Variants in COBL observed in about 807,000 individuals in gnomAD.
The protein encoded by COBL is cordon-bleu WH2 repeat protein.
A neutral mutation model predicts 98.8 loss-of-function variants in COBL; 51 were observed. The observed-to-expected ratio is 0.52, with a 90% CI of 0.41 to 0.65. The LOEUF (loss-of-function observed/expected upper bound fraction) is 0.65. COBL is among the 30% of genes least tolerant of loss of function. The pLI is 0.00. For missense variants in COBL, 1,617 were observed against 1,617.5 expected (o/e 1.00, Z 0.01); for synonymous variants, 634 against 651.7 (o/e 0.97, Z 0.41).
intron 5 of COBL, among the ~76,000 whole-genome samples, chr7:51,150,142 T>C (rs1785423053): frequency 6.6e-6 from 1 of 152,066 alleles, no homozygotes; most frequent in Admixed American, 6.5e-5. Context: ...GCCGAGCCCC[T>C]CTGAGCTACA....
chr7:51,042,531 T>C (rs1017641627), intron 8 of COBL, among the ~76,000 whole-genome samples: 2 of 151,718 alleles, frequency 1.3e-5, no homozygotes, highest in Non-Finnish European at 2.9e-5. Context: ...AGCTAATTTT[T>C]AAATTTTTTT....
At chr7:51,156,055 T>C (rs1296462662) in intron 5 of COBL, among the ~76,000 whole-genome samples, 2 of 152,212 alleles carry the variant, frequency 1.3e-5, no homozygotes, top group African/African-American at 4.8e-5. Flanking sequence ...TGCTTATAGT[T>C]TTTGCTATAA....
intron 7 of COBL, among the ~76,000 whole-genome samples, chr7:51,055,031 G>A (rs1439315422): frequency 6.6e-6 from 1 of 152,208 alleles, no homozygotes; most frequent in African/African-American, 2.4e-5. Context: ...GTGCCTTTTA[G>A]GAGCCAAGGG....
At chr7:51,260,080 G>C in intron 1 of COBL, 1 of 1,350,944 alleles carries the variant, frequency 7.4e-7, no homozygotes, top group South Asian at 1.2e-5. Flanking sequence ...TGCTTTGCCT[G>C]GGTGGCTTTG....
chr7:51,175,430 C>T lies in COBL; in HGVS notation c.783+8672G>A, dbSNP rs532793897. The stretch of plus-strand genomic sequence containing the variant: ...AAAACTCTTTAAATGCCTAAACTGC[C>T]TGCAGACCTTTCTCAGTCCCTTGGA... On this transcript the variant is annotated intron_variant, in intron 5 of 12. Coordinates refer to ENST00000265136, the MANE Select transcript of COBL (RefSeq NM_015198.5). Among the ~76,000 whole-genome samples, 7 of 152,314 alleles carry T rather than the reference C, an allele frequency of 4.6e-5. No individual in the cohort carries two copies. In the South Asian group the frequency reaches 1.5e-3, roughly 32 times the overall value.
intron 7 of COBL, among the ~76,000 whole-genome samples, chr7:51,055,669 TGCCGGCCG>T (rs538546243): frequency 6.6e-6 from 1 of 152,186 alleles, no homozygotes; most frequent in South Asian, 2.1e-4. Flanking sequence ...GTGTTGCTGC[TGCCGGCCG>T]GCCGGCCTGG....
Position 51,016,747 on chromosome 7 carries a change from G to A in COBL, c.*804C>T, listed in dbSNP as rs1199972518. On this transcript the variant is annotated 3_prime_UTR_variant, in exon 13 of 13. Coordinates refer to ENST00000265136, the MANE Select transcript of COBL (RefSeq NM_015198.5). ...TCATCAGGCTCCGTACACAGGCACC[G>A]TGGGGGAGGCCTATGTCACTTCATA... 1.5e-5 allele frequency: 6 copies of A among 391,878 alleles called. No homozygotes were observed. In the Middle Eastern group the frequency reaches 1.9e-3, roughly 123 times the overall value. The allele number at this position is 391,878 out of a possible 1,614,324, so 24.3% of individuals were successfully genotyped here. A position where few individuals can be genotyped will look rare whatever the true frequency, so the allele number is the denominator to read the frequency against.
At chr7:51,083,235 G>A (rs1333776141) in intron 7 of COBL, 1 of 1,446,898 alleles carries the variant, frequency 6.9e-7, no homozygotes, top group Non-Finnish European at 9.0e-7. Context: ...CCACCTATAT[G>A]GAATCAACAG....
intron 1 of COBL, among the ~76,000 whole-genome samples, chr7:51,225,922 G>A (rs1367933253): frequency 6.6e-6 from 1 of 152,210 alleles, no homozygotes; most frequent in Non-Finnish European, 1.5e-5. Context: ...GACAGCCACT[G>A]CCCAGCCAGG....
chr7:51,298,305 A>G (rs566337237), intron 1 of COBL, among the ~76,000 whole-genome samples: 1 of 152,364 alleles, frequency 6.6e-6, no homozygotes, highest in South Asian at 2.1e-4. Context: ...CCCACTGCTA[A>G]GCTGCTAAGA....
chr7:51,088,187 T>A (rs1373074050), intron 6 of COBL, among the ~76,000 whole-genome samples: 1 of 152,172 alleles, frequency 6.6e-6, no homozygotes, highest in Non-Finnish European at 1.5e-5. Context: ...AATCTGAATA[T>A]CCTTAATTCT....
chr7:51,229,923 C>T (rs979462431), intron 1 of COBL, among the ~76,000 whole-genome samples: 1 of 152,168 alleles, frequency 6.6e-6, no homozygotes, highest in Admixed American at 6.5e-5. Flanking sequence ...CCAGCAAGGG[C>T]ACAGTAGGTT....
At chr7:51,303,143 A>G (rs1802140356) in intron 1 of COBL, among the ~76,000 whole-genome samples, 1 of 152,260 alleles carries the variant, frequency 6.6e-6, no homozygotes, top group African/African-American at 2.4e-5. Flanking sequence ...ACAATAGATC[A>G]TACTTTCAGA....
chr7:51,043,239 G>A (rs898027908), intron 8 of COBL, 144 bp downstream of exon 8: 10 of 663,176 alleles, frequency 1.5e-5, no homozygotes, highest in Non-Finnish European at 2.1e-5. Flanking sequence ...ACATGCCTGA[G>A]AGCAGCTGCT....
intron 5 of COBL, chr7:51,172,399 C>T (rs1787957740): frequency 8.8e-7 from 1 of 1,138,966 alleles, no homozygotes; most frequent in Non-Finnish European, 1.2e-6. Context: ...GAAGGTCGCG[C>T]AAAGCAAGAA....
At chr7:51,123,198 C>T (rs1234394613) in intron 6 of COBL, among the ~76,000 whole-genome samples, 1 of 152,092 alleles carries the variant, frequency 6.6e-6, no homozygotes, top group Non-Finnish European at 1.5e-5. Context: ...GGCAGATATC[C>T]GTATCTGAGC....
rs533577424 is a variant in COBL at position 51,055,743 on chromosome 7, T to C, written c.1097-12051A>G. Among the ~76,000 whole-genome samples the C allele has an allele frequency of 1.1e-4, 17 of 152,316 alleles. No individual in the cohort carries two copies. In the South Asian group the frequency reaches 3.5e-3, roughly 32 times the overall value. ...CCCCCAGAGTTCCTGGCCAGCCGGC[T>C]TTCTCCCCTCACTGGGCTGCAGGTG... On this transcript the variant is annotated intron_variant, in intron 7 of 12. Coordinates refer to ENST00000265136, the MANE Select transcript of COBL (RefSeq NM_015198.5).
intron 1 of COBL, among the ~76,000 whole-genome samples, chr7:51,291,306 T>C: frequency 1.3e-5 from 2 of 152,182 alleles, no homozygotes. Context: ...CCAACCTCTG[T>C]GTCTTCCAAA....
At chr7:51,024,264 G>C (rs563400928) in intron 12 of COBL, among the ~76,000 whole-genome samples, 4 of 152,020 alleles carry the variant, frequency 2.6e-5, no homozygotes, top group Non-Finnish European at 5.9e-5. Context: ...AGCCGAGATC[G>C]CGTCACTGCA....
Sources: allele counts gnomAD v4.1 joint callset (sites outside exome capture counted in the v4.1 genomes callset), GRCh38; gene constraint gnomAD v4.1.1; transcripts MANE v1.5; gene names NCBI Gene and HGNC (gene_info 2026-07-23, HGNC 2026-07-21).